SRD5A1: variants seen among roughly 807,000 people sequenced by gnomAD.
SRD5A1 encodes 3-oxo-5-alpha-steroid 4-dehydrogenase 1.
Under a neutral mutation model 28.2 loss-of-function variants are expected in SRD5A1, and 22 were observed. The observed-to-expected ratio is 0.78, with a 90% CI of 0.56 to 1.12. The LOEUF is 1.12. Among genes scored for constraint, SRD5A1 ranks in the 50% most tolerant of loss-of-function variants. SRD5A1 has a pLI of 0.00. For missense variants in SRD5A1, 300 were observed against 346.7 expected (o/e 0.87, Z 1.07); for synonymous variants, 151 against 135.0 (o/e 1.12, Z -0.82).
intron 1 of SRD5A1, chr5:6,644,905 G>A (rs982380412): frequency 3.3e-5 from 15 of 455,888 alleles, no homozygotes; most frequent in Non-Finnish European, 6.6e-5. Context: ...ATTCCAAGAC[G>A]CAGAGAGAAA....
intron 1 of SRD5A1, among the ~76,000 whole-genome samples, chr5:6,639,523 A>G (rs1738297896): frequency 6.6e-6 from 1 of 152,250 alleles, no homozygotes. Flanking sequence ...CCTCGCGGAC[A>G]GTAAGAATGG....
chr5:6,661,394 C>CAAAA (rs3996846), intron 3 of SRD5A1, among the ~76,000 whole-genome samples: 1 of 128,482 alleles, frequency 7.8e-6, no homozygotes, highest in Non-Finnish European at 1.6e-5. Flanking sequence ...TACAAAACTC[C>CAAAA]AAAAAAAAAA....
At chr5:6,641,204 C>A (rs1738345933) in intron 1 of SRD5A1, among the ~76,000 whole-genome samples, 1 of 152,190 alleles carries the variant, frequency 6.6e-6, no homozygotes. Flanking sequence ...GTCCGCTGCA[C>A]TCTCTCAAGT....
At chr5:6,639,909 T>C (rs1022393925) in intron 1 of SRD5A1, among the ~76,000 whole-genome samples, 5 of 152,252 alleles carry the variant, frequency 3.3e-5, no homozygotes, top group African/African-American at 1.2e-4. Context: ...TATTATCTTT[T>C]TCCCATATCT....
chr5:6,658,936 A>C (rs1157819199), intron 3 of SRD5A1, among the ~76,000 whole-genome samples: 1 of 151,508 alleles, frequency 6.6e-6, no homozygotes, highest in Non-Finnish European at 1.5e-5. Context: ...ACATAGCCAG[A>C]CTCCCATCTC....
intron 1 of SRD5A1, among the ~76,000 whole-genome samples, chr5:6,648,183 A>C (rs1361227919): frequency 6.6e-6 from 1 of 152,174 alleles, no homozygotes; most frequent in Non-Finnish European, 1.5e-5. Context: ...ATGGGTAACC[A>C]GCCCTTTCTC....
chr5:6,650,882 G>A (rs986989028), intron 1 of SRD5A1, among the ~76,000 whole-genome samples: 1 of 149,638 alleles, frequency 6.7e-6, no homozygotes, highest in Non-Finnish European at 1.5e-5. Context: ...CTATGAGTGA[G>A]AATATGCGGT....
rs1739375625 is a variant in SRD5A1, at chr5:6,672,005, A to C, written c.*3737A>C. The C allele has an allele frequency of 6.6e-6, 1 of 152,134 alleles. No homozygotes were observed. The highest frequency in any genetic ancestry group is 2.1e-4 in the South Asian group (1 of 4,828). 9.4% of individuals were successfully genotyped at this position (152,134 alleles called of 1,614,324 possible). ...GAACGTTTGTTATTTCCTGGTGCTTAGGGAAGAAAATAATTGATGTTGTGA... is the reference window on the plus strand; with the variant it reads ...GAACGTTTGTTATTTCCTGGTGCTTCGGGAAGAAAATAATTGATGTTGTGA... On this transcript the variant is annotated 3_prime_UTR_variant, in exon 5 of 5. Transcript: ENST00000274192.
chr5:6,647,515 C>T (rs1738541620), intron 1 of SRD5A1, among the ~76,000 whole-genome samples: 1 of 152,186 alleles, frequency 6.6e-6, no homozygotes, highest in South Asian at 2.1e-4. Flanking sequence ...GCATTGATCT[C>T]TTTACCATTA....
chr5:6,647,530 C>G (rs1738542104), intron 1 of SRD5A1, among the ~76,000 whole-genome samples: 1 of 151,944 alleles, frequency 6.6e-6, no homozygotes, highest in Non-Finnish European at 1.5e-5. Context: ...CCATTATGCC[C>G]TTCTTCGTCT....
chr5:6,656,314 A>T, intron 3 of SRD5A1, 135 bp downstream of exon 3: 1 of 700,964 alleles, frequency 1.4e-6, no homozygotes, highest in Non-Finnish European at 2.5e-6. Flanking sequence ...ATCATTATTA[A>T]TAACAAGTGC....
rs890292694 is a variant in SRD5A1, at chr5:6,669,751, C to G, written c.*1483C>G. 2 of 152,190 alleles carry G rather than the reference C, an allele frequency of 1.3e-5. No individual in the cohort carries two copies. Among genetic ancestry groups the G allele is most frequent in the African/African-American group, 4.8e-5 (2 of 41,444 alleles). The allele number at this position is 152,190 out of a possible 1,614,324, so 9.4% of individuals were successfully genotyped here. On this transcript the variant is annotated 3_prime_UTR_variant, in exon 5 of 5. Coordinates refer to ENST00000274192, the MANE Select transcript of SRD5A1 (RefSeq NM_001047.4). Reference sequence around the variant, plus strand: ...ATTTTTAAAGTAGCCTTGAGAGCTTCCAGTTAAATCTGATGAGCTGAACAT... The same window carrying G: ...ATTTTTAAAGTAGCCTTGAGAGCTTGCAGTTAAATCTGATGAGCTGAACAT...
chr5:6,660,073 A>G (rs1248283990), intron 3 of SRD5A1, among the ~76,000 whole-genome samples: 2 of 152,190 alleles, frequency 1.3e-5, no homozygotes, highest in Admixed American at 6.5e-5. Flanking sequence ...AAAATGAACA[A>G]ATAAAGAGAT....
chr5:6,645,570 C>T (rs1738485127), intron 1 of SRD5A1, among the ~76,000 whole-genome samples: 2 of 150,116 alleles, frequency 1.3e-5, no homozygotes, highest in South Asian at 2.1e-4. Context: ...ACCCGGGAGG[C>T]GGAGGTTGCG....
At chr5:6,645,024 C>G in intron 1 of SRD5A1, 1 of 455,872 alleles carries the variant, frequency 2.2e-6, no homozygotes, top group Non-Finnish European at 4.4e-6. Context: ...CTGGCCAACA[C>G]GTGCTTTGCT....
intron 3 of SRD5A1, among the ~76,000 whole-genome samples, chr5:6,660,427 G>A (rs1389816123): frequency 6.6e-6 from 1 of 152,258 alleles, no homozygotes; most frequent in Non-Finnish European, 1.5e-5. Flanking sequence ...GGCATCTGCA[G>A]GGTATGGTAC....
intron 4 of SRD5A1, among the ~76,000 whole-genome samples, chr5:6,666,695 C>T (rs1739193930): frequency 6.6e-6 from 1 of 152,144 alleles, no homozygotes; most frequent in South Asian, 2.1e-4. Context: ...CTGTGAAATA[C>T]ACTTAACCTC....
chr5:6,667,079 C>T (rs772770543), intron 4 of SRD5A1, among the ~76,000 whole-genome samples: 5 of 152,248 alleles, frequency 3.3e-5, no homozygotes, highest in Non-Finnish European at 7.3e-5. Flanking sequence ...CACCTTCAGC[C>T]TCTAACCAGC....
intron 1 of SRD5A1, among the ~76,000 whole-genome samples, chr5:6,648,439 T>C (rs1485222557): frequency 1.3e-5 from 2 of 152,246 alleles, no homozygotes; most frequent in Non-Finnish European, 2.9e-5. Flanking sequence ...TTTGGTCTTT[T>C]CACATAGTAC....
Sources: allele counts gnomAD v4.1 joint callset (sites outside exome capture counted in the v4.1 genomes callset), GRCh38; gene constraint gnomAD v4.1.1; transcripts MANE v1.5; gene names NCBI Gene and HGNC (gene_info 2026-07-23, HGNC 2026-07-21).